The following COL14A1 variants were observed in gnomAD, a reference collection of about 807,000 sequenced individuals.
The protein encoded by COL14A1 is collagen alpha-1(XIV) chain.
Under a neutral mutation model 230.3 loss-of-function variants are expected in COL14A1, and 136 were observed. The observed-to-expected ratio is 0.59, with a 90% CI of 0.51 to 0.68. The LOEUF is 0.68. Ranked by LOEUF, COL14A1 falls within the 30% of genes least tolerant of loss-of-function variation. The probability of loss-of-function intolerance (pLI) is 0.00; values close to 1 mark genes in which losing one functional copy is unlikely to be tolerated. For synonymous variants in COL14A1, 792 were observed against 784.1 expected, an observed-to-expected ratio of 1.01 and a Z score of -0.17; for missense variants, 1,976 against 2,215.8, an observed-to-expected ratio of 0.89 and a Z score of 2.17.
intron 45 of COL14A1, among the ~76,000 whole-genome samples, chr8:120,353,610 C>CATTT (rs1350668963): frequency 6.6e-6 from 1 of 151,500 alleles, no homozygotes; most frequent in Non-Finnish European, 1.5e-5. Flanking sequence ...CAAAAGAAGA[C>CATTT]ATTTATGCAG....
chr8:120,204,485 C>T (rs1237093993), intron 9 of COL14A1, among the ~76,000 whole-genome samples: 2 of 152,142 alleles, frequency 1.3e-5, no homozygotes, highest in East Asian at 1.9e-4. Flanking sequence ...TCATCCAAGT[C>T]GTTGCATGTG....
chr8:120,283,369 A>T (rs891771238), intron 31 of COL14A1, among the ~76,000 whole-genome samples: 1 of 152,250 alleles, frequency 6.6e-6, no homozygotes, highest in African/African-American at 2.4e-5. Flanking sequence ...AGAAGACTGT[A>T]CAGCCATGAA....
chr8:120,254,150 G>C (rs554524063), intron 22 of COL14A1, among the ~76,000 whole-genome samples: 2 of 152,246 alleles, frequency 1.3e-5, no homozygotes, highest in East Asian at 3.9e-4. Context: ...CTAAGAGAGA[G>C]AGAGAAATAA....
chr8:120,290,777 T>C (rs1820352381), intron 34 of COL14A1, among the ~76,000 whole-genome samples: 1 of 152,222 alleles, frequency 6.6e-6, no homozygotes, highest in Non-Finnish European at 1.5e-5. Flanking sequence ...AGTGATTTAC[T>C]TTGGGGCACT....
intron 5 of COL14A1, among the ~76,000 whole-genome samples, chr8:120,195,455 T>C (rs1238795088): frequency 6.6e-6 from 1 of 152,148 alleles, no homozygotes; most frequent in African/African-American, 2.4e-5. Context: ...AGCAGTTCTT[T>C]GGAAGCACAG....
chr8:120,252,197 A>G (rs1818990462), intron 22 of COL14A1, among the ~76,000 whole-genome samples: 1 of 151,954 alleles, frequency 6.6e-6, no homozygotes, highest in Non-Finnish European at 1.5e-5. Flanking sequence ...TATTTATTTT[A>G]AAAACTTCAA....
intron 4 of COL14A1, among the ~76,000 whole-genome samples, chr8:120,164,888 G>A (rs913863946): frequency 2.2e-4 from 33 of 152,164 alleles, no homozygotes; most frequent in Admixed American, 6.5e-4. Context: ...TTTTGCAATT[G>A]ATTATTTCAA....
At chr8:120,154,116 T>C (rs1046468067) in intron 2 of COL14A1, among the ~76,000 whole-genome samples, 3 of 152,158 alleles carry the variant, frequency 2.0e-5, no homozygotes, top group Non-Finnish European at 4.4e-5. Context: ...ATGTAAAAAC[T>C]AGCGTTTTAA....
At chr8:120,325,928 A>C (rs1054496107) in intron 40 of COL14A1, among the ~76,000 whole-genome samples, 1 of 152,208 alleles carries the variant, frequency 6.6e-6, no homozygotes, top group Admixed American at 6.5e-5. Flanking sequence ...TTAATAGTTG[A>C]AGACCATTCA....
chr8:120,192,392 G>T (rs1816858907), intron 5 of COL14A1, among the ~76,000 whole-genome samples: 1 of 152,072 alleles, frequency 6.6e-6, no homozygotes, highest in Admixed American at 6.5e-5. Context: ...CTTCTGGCTT[G>T]TAGAGTTTCT....
At position 120,216,346 on chromosome 8, in the gene COL14A1, C is replaced by T. The variant is rs1817750555; in HGVS notation, c.1598-5C>T. On this transcript the variant is annotated splice_polypyrimidine_tract_variant and splice_region_variant and intron_variant, in intron 13 of 47. Transcript: ENST00000297848. The stretch of plus-strand genomic sequence containing the variant: ...TAATTATTTTCTATTCCATTTACTG[C>T]CAAGTGGCTTTAAGTCCACCAAGAA... 6.3e-7 allele frequency: 1 copy of T among 1,598,208 alleles called. No individual in the cohort carries two copies. Among genetic ancestry groups the T allele is most frequent in the Non-Finnish European group, 8.5e-7 (1 of 1,175,936 alleles).
chr8:120,166,528 T>A (rs1160711796), intron 4 of COL14A1, among the ~76,000 whole-genome samples: 1 of 149,006 alleles, frequency 6.7e-6, no homozygotes, highest in African/African-American at 2.5e-5. Context: ...ATTACTAGTC[T>A]TTCCCAGAGC....
intron 1 of COL14A1, among the ~76,000 whole-genome samples, chr8:120,128,131 T>C (rs1814403133): frequency 6.6e-6 from 1 of 152,098 alleles, no homozygotes; most frequent in Non-Finnish European, 1.5e-5. Flanking sequence ...AAATAAAAAA[T>C]GGCAGGGATC....
chr8:120,347,099 A>T (rs953583016), intron 45 of COL14A1, among the ~76,000 whole-genome samples: 1 of 152,064 alleles, frequency 6.6e-6, no homozygotes, highest in Non-Finnish European at 1.5e-5. Context: ...CAGAGCCAGC[A>T]CCTGAGTCAT....
chr8:120,229,657 G>T (rs574510186), intron 18 of COL14A1, among the ~76,000 whole-genome samples: 38 of 152,158 alleles, frequency 2.5e-4, no homozygotes, highest in African/African-American at 5.3e-4. Flanking sequence ...AAATGGTATT[G>T]CTAGTTCTAG....
chr8:120,259,071 G>A (rs1257437920), intron 23 of COL14A1, among the ~76,000 whole-genome samples: 1 of 152,120 alleles, frequency 6.6e-6, no homozygotes, highest in Non-Finnish European at 1.5e-5. Flanking sequence ...TTATTGACAA[G>A]GATAGAGAAC....
At chr8:120,337,150 G>A (rs964127182) in intron 42 of COL14A1, among the ~76,000 whole-genome samples, 1 of 152,136 alleles carries the variant, frequency 6.6e-6, no homozygotes, top group African/African-American at 2.4e-5. Context: ...CAGCACTTTG[G>A]GAGGCCAAGG....
intron 40 of COL14A1, 62 bp downstream of exon 40, chr8:120,316,059 AT>A: frequency 6.5e-7 from 1 of 1,536,082 alleles, no homozygotes; most frequent in Non-Finnish European, 9.0e-7. Flanking sequence ...GGTCACTCTT[AT>A]TGCTGACAGG....
intron 33 of COL14A1, among the ~76,000 whole-genome samples, chr8:120,287,739 G>T (rs916116264): frequency 6.6e-6 from 1 of 152,120 alleles, no homozygotes; most frequent in East Asian, 1.9e-4. Context: ...TTCAAAAAAG[G>T]CTTCTCATGT....
Sources: gnomAD v4.1 joint callset for allele counts (sites outside exome capture counted in the v4.1 genomes callset) on GRCh38, gnomAD v4.1.1 for gene constraint, MANE v1.5 for transcripts, NCBI Gene and HGNC (gene_info 2026-07-23, HGNC 2026-07-21) for gene names.